The following P2RX5 variants were observed in gnomAD, a reference collection of about 807,000 sequenced individuals.
The protein encoded by P2RX5 is purinergic receptor P2X 5, also known as P2X purinoceptor 5.
A neutral mutation model predicts 54.1 loss-of-function variants in P2RX5; 46 were observed. The ratio of observed to expected loss-of-function variants is 0.85; its 90% confidence interval spans 0.67 to 1.09. The LOEUF (loss-of-function observed/expected upper bound fraction) is 1.09, where lower values mean the gene tolerates loss of function less well. Among genes scored for constraint, P2RX5 ranks in the 50% least tolerant of loss-of-function variants. The probability of loss-of-function intolerance (pLI) is 0.00; values close to 1 mark genes in which losing one functional copy is unlikely to be tolerated. For synonymous variants in P2RX5, 226 were observed against 226.4 expected, an observed-to-expected ratio of 1.00 and a Z score of 0.02; for missense variants, 566 against 549.8, an observed-to-expected ratio of 1.03 and a Z score of -0.29.
intron 8 of P2RX5, 92 bp from the exon 9 acceptor site, chr17:3,688,197 A>C: frequency 1.3e-6 from 1 of 745,870 alleles, no homozygotes. Flanking sequence ...ACTTAGAAGG[A>C]CTCCCGGAAC....
chr17:3,690,379 G>A (rs757442094), intron 5 of P2RX5, 48 bp downstream of exon 5: 9 of 1,432,700 alleles, frequency 6.3e-6, no homozygotes, highest in African/African-American at 2.8e-5. Context: ...GGGACCCACC[G>A]CACGGGGCTG....
chr17:3,708,948 TTTTC>T, the P2RX5 span, among the ~76,000 whole-genome samples: 1 of 151,890 alleles, frequency 6.6e-6, no homozygotes, highest in African/African-American at 2.4e-5. Context: ...TATGGTTTGG[TTTTC>T]TTTCTTTTCT....
chr17:3,717,067 T>G, the P2RX5 span: 1 of 354,912 alleles, frequency 2.8e-6, no homozygotes, highest in Non-Finnish European at 5.2e-6. Flanking sequence ...GACCTTCTGT[T>G]AAAGATGCTC....
At chr17:3,681,751 T>G (rs2050288890) in intron 10 of P2RX5, 145 bp downstream of exon 10, 7 of 699,634 alleles carry the variant, frequency 1.0e-5, no homozygotes, top group Non-Finnish European at 1.3e-5. Flanking sequence ...CTGTAGAGCA[T>G]GTACTCAGAA....
At chr17:3,710,918 C>A in the P2RX5 span, among the ~76,000 whole-genome samples, 2 of 152,086 alleles carry the variant, frequency 1.3e-5, no homozygotes, top group African/African-American at 2.4e-5. Context: ...AGAGCGAGAC[C>A]CTGTCTCAAA....
chr17:3,676,396 G>T, intron 11 of P2RX5: 1 of 985,234 alleles, frequency 1.0e-6, no homozygotes, highest in African/African-American at 1.7e-5. Context: ...TAGTAACACT[G>T]GCTGCCTCTG....
the P2RX5 span, among the ~76,000 whole-genome samples, chr17:3,713,508 T>G: frequency 6.6e-6 from 1 of 152,112 alleles, no homozygotes. Flanking sequence ...CCCAGCACTT[T>G]GGGAGGCTGA....
chr17:3,702,118 G>A, the P2RX5 span, among the ~76,000 whole-genome samples: 4 of 152,088 alleles, frequency 2.6e-5, no homozygotes, highest in Non-Finnish European at 4.4e-5. Context: ...CTAGGTAAAG[G>A]ATTGTAAATG....
chr17:3,704,327 G>A, the P2RX5 span, among the ~76,000 whole-genome samples: 1 of 152,200 alleles, frequency 6.6e-6, no homozygotes, highest in Non-Finnish European at 1.5e-5. Flanking sequence ...TTCCTGCCGA[G>A]TCCTGAGGAG....
chr17:3,718,852 G>T, the P2RX5 span, among the ~76,000 whole-genome samples: 1 of 152,266 alleles, frequency 6.6e-6, no homozygotes, highest in South Asian at 2.1e-4. Flanking sequence ...ATTTTTATTT[G>T]TTAAAATCTG....
At chr17:3,716,906 TA>T in the P2RX5 span, 1 of 661,414 alleles carries the variant, frequency 1.5e-6, no homozygotes, top group South Asian at 1.8e-5. Flanking sequence ...ACAACCCGTG[TA>T]TTGATCAAAG....
the P2RX5 span, chr17:3,722,578 AC>A: frequency 6.6e-6 from 1 of 152,362 alleles, no homozygotes; most frequent in East Asian, 1.9e-4. Flanking sequence ...AAGCAAAGGA[AC>A]AGCAAGTACA....
chr17:3,679,351 G>A (rs922055557), intron 11 of P2RX5, among the ~76,000 whole-genome samples: 1 of 152,162 alleles, frequency 6.6e-6, no homozygotes, highest in East Asian at 1.9e-4. Flanking sequence ...TCTGAGCGCC[G>A]GCATGGCACA....
Position 3,690,659 on chromosome 17 carries a change from C to A in P2RX5, c.382G>T (p.Ala128Ser). 2.5e-6 allele frequency: 4 copies of A among 1,613,282 alleles called. No homozygotes were observed. Among genetic ancestry groups the A allele is most frequent in the Non-Finnish European group, 2.5e-6 (3 of 1,180,026 alleles). ...TGGCAGTCGCTGTCCTTGGAGCACG[C>A]GCCATCAGGAATGCCTTCATTCTGC... ...CAENEGIPDG[A>S]CSKDSDCHAG... Residue 128 changes from alanine (A) to serine (S), a missense_variant, in exon 4 of 12, where the codon GCG (alanine) becomes TCG (serine). Transcript: ENST00000225328.
chr17:3,690,115 A>G lies in P2RX5; in HGVS notation c.569T>C (p.Ile190Thr). 1 of 1,614,160 alleles carries G rather than the reference A, an allele frequency of 6.2e-7. No individual in the cohort carries two copies. The highest frequency in any genetic ancestry group is 8.5e-7 in the Non-Finnish European group (1 of 1,180,022). ...PFLKEAEDFT[I>T]FIKNHIRFPK... is the part of the protein sequence containing the mutation. ...GAAACGGATGTGGTTCTTTATGAAA[A>G]TGGTGAAGTCTTCGGCCTCCTTCAG... Residue 190 changes from isoleucine (I) to threonine (T), a missense_variant, in exon 6 of 12, where the codon ATT becomes ACT. Ile to Thr is a moderately conservative substitution (Grantham distance 89). Coordinates refer to ENST00000225328, the MANE Select transcript of P2RX5 (RefSeq NM_002561.4).
chr17:3,677,683 G>A (rs764014109), intron 11 of P2RX5: 215 of 985,382 alleles, frequency 2.2e-4, no homozygotes, highest in Middle Eastern at 2.1e-3. Flanking sequence ...CCCTCTCCCT[G>A]AGGTTAGGTC....
the P2RX5 span, among the ~76,000 whole-genome samples, chr17:3,708,217 C>T: frequency 6.6e-6 from 1 of 152,078 alleles, no homozygotes; most frequent in Non-Finnish European, 1.5e-5. Flanking sequence ...CCAATGATGA[C>T]GGCTGCTTCC....
the P2RX5 span, among the ~76,000 whole-genome samples, chr17:3,713,511 G>A: frequency 6.6e-6 from 1 of 152,198 alleles, no homozygotes; most frequent in Non-Finnish European, 1.5e-5. Context: ...AGCACTTTGG[G>A]AGGCTGAGGC....
chr17:3,683,586 C>T (rs972104430), intron 9 of P2RX5, among the ~76,000 whole-genome samples: 21 of 152,082 alleles, frequency 1.4e-4, no homozygotes, highest in Admixed American at 3.3e-4. Context: ...GAAAATTAAC[C>T]GGGCGCGGTG....
Sources: allele counts gnomAD v4.1 joint callset (sites outside exome capture counted in the v4.1 genomes callset), GRCh38; gene constraint gnomAD v4.1.1; transcripts MANE v1.5; gene names NCBI Gene and HGNC (gene_info 2026-07-23, HGNC 2026-07-21).